SMAD4: variants seen among roughly 807,000 people sequenced by gnomAD.
The protein encoded by SMAD4 is MAD homolog 4.
A neutral mutation model predicts 63.2 loss-of-function variants in SMAD4; 7 were observed. That is an observed-to-expected ratio of 0.11 (90% CI 0.06 to 0.21). SMAD4 has a LOEUF of 0.21. SMAD4 is among the 10% of genes least tolerant of loss of function. The probability of loss-of-function intolerance (pLI) is 1.00; values close to 1 mark genes in which losing one functional copy is unlikely to be tolerated. For missense variants in SMAD4, 312 were observed against 693.8 expected, an observed-to-expected ratio of 0.45 and a Z score of 6.18; for synonymous variants, 215 against 235.4, an observed-to-expected ratio of 0.91 and a Z score of 0.79.
chr18:51,083,995 C>T lies in SMAD4; in HGVS notation c.*5528C>T, dbSNP rs910606762. On this transcript the variant is annotated 3_prime_UTR_variant, in exon 12 of 12. Transcript: ENST00000342988. ...GGGGCTGCAATAAACACTTAACGCG[C>T]GTGCGCACGCGCGCGCGCACACACA... 5.3e-5 allele frequency: 8 copies of T among 151,326 alleles called. 1 individual carries two copies. The highest frequency in any genetic ancestry group is 6.6e-4 in the South Asian group (2 of 3,036). 9.4% of individuals were successfully genotyped at this position (151,326 alleles called of 1,614,324 possible).
chr18:51,036,314 C>T (rs1020238093), intron 1 of SMAD4, among the ~76,000 whole-genome samples: 2 of 152,082 alleles, frequency 1.3e-5, no homozygotes, highest in African/African-American at 4.8e-5. Context: ...CAGGTCTTTT[C>T]AAGTCAAAAT....
At position 51,070,937 on chromosome 18, in the gene SMAD4, T is replaced by TA. The variant is rs566573391; in HGVS notation, c.1308+3751dup. On this transcript the variant is annotated intron_variant, in intron 10 of 11. Transcript: ENST00000342988. ...TTATTACCTGTTGTTGTTAATCTCTTACTATGCCTAATTTGTAAGTTAAAC... is the reference window on the plus strand; with the variant it reads ...TTATTACCTGTTGTTGTTAATCTCTTAACTATGCCTAATTTGTAAGTTAAAC... Among the ~76,000 whole-genome samples the TA allele has an allele frequency of 1.2e-4, 19 of 152,306 alleles. No individual in the cohort carries two copies. The South Asian group carries it at 3.7e-3, about 30-fold the overall frequency.
In SMAD4 at chr18:51,056,951, T is replaced by TA. The variant is rs577073630; in HGVS notation, c.668-1169dup. 1.5e-4 allele frequency among the ~76,000 whole-genome samples: 23 copies of TA among 152,300 alleles called. No homozygotes were observed. In the South Asian group the frequency reaches 4.6e-3, roughly 30 times the overall value. ...CTAAGAGTATTGCCTGTAGAATTGTTAAAAATATGAACAAAACCATAATTA... is the reference window on the plus strand; with the variant it reads ...CTAAGAGTATTGCCTGTAGAATTGTTAAAAAATATGAACAAAACCATAATTA... On this transcript the variant is annotated intron_variant, in intron 5 of 11. Transcript: ENST00000342988.
chr18:51,036,520 A>C (rs988685996), intron 1 of SMAD4, among the ~76,000 whole-genome samples: 8 of 152,246 alleles, frequency 5.3e-5, no homozygotes, highest in Non-Finnish European at 5.9e-5. Context: ...TGTGTCTTAC[A>C]TCATAAATAT....
chr18:51,031,912 A>T (rs1909063190), intron 1 of SMAD4, among the ~76,000 whole-genome samples: 2 of 152,078 alleles, frequency 1.3e-5, no homozygotes, highest in African/African-American at 4.8e-5. Context: ...CTAAGGACTT[A>T]CTCTCTCTAT....
At chr18:51,077,931 C>T (rs1910511011) in intron 11 of SMAD4, among the ~76,000 whole-genome samples, 1 of 152,184 alleles carries the variant, frequency 6.6e-6, no homozygotes, top group Non-Finnish European at 1.5e-5. Flanking sequence ...TGGACACGCA[C>T]TACCTCTTAA....
At chr18:51,048,927 T>C (rs1909626867) in intron 3 of SMAD4, 67 bp downstream of exon 3, 2 of 1,412,106 alleles carry the variant, frequency 1.4e-6, no homozygotes, top group East Asian at 4.6e-5. Flanking sequence ...GTTTCAATTT[T>C]TGTAAGTTAA....
At position 51,049,627 on chromosome 18, in the gene SMAD4, T is replaced by C. The variant is rs1909648975; in HGVS notation, c.454+303T>C. 4 of 325,106 alleles carry C rather than the reference T, an allele frequency of 1.2e-5. No individual in the cohort carries two copies. The Admixed American group carries it at 1.8e-4, about 15-fold the overall frequency. The allele number at this position is 325,106 out of a possible 1,614,324, so 20.1% of individuals were successfully genotyped here. A position where few individuals can be genotyped will look rare whatever the true frequency, so the allele number is the denominator to read the frequency against. On this transcript the variant is annotated intron_variant, in intron 4 of 11. Coordinates refer to ENST00000342988, the MANE Select transcript of SMAD4 (RefSeq NM_005359.6). Reference sequence around the variant, plus strand: ...AATATTTTTTGAGTTAAGACCTATTTTTGAAGAAAATCTCACAGAGCCAGT... The same window carrying C: ...AATATTTTTTGAGTTAAGACCTATTCTTGAAGAAAATCTCACAGAGCCAGT...
chr18:51,046,808 T>C (rs1192762476), intron 1 of SMAD4, 112 bp from the exon 2 acceptor site: 7 of 436,102 alleles, frequency 1.6e-5, no homozygotes, highest in Non-Finnish European at 2.8e-5. Context: ...AAATTTTAAT[T>C]ATGTGCATTG....
intron 5 of SMAD4, among the ~76,000 whole-genome samples, chr18:51,057,254 T>C (rs572244610): frequency 6.6e-6 from 1 of 152,192 alleles, no homozygotes; most frequent in South Asian, 2.1e-4. Flanking sequence ...ATTATAACTT[T>C]AGTGCTTTCC....
intron 11 of SMAD4, 123 bp from the exon 12 acceptor site, chr18:51,078,133 A>C: frequency 1.2e-6 from 1 of 820,668 alleles, no homozygotes; most frequent in Non-Finnish European, 2.1e-6. Context: ...GCACTTTAGC[A>C]GAGAAGTTAT....
chr18:51,076,831 G>A (rs756675575), intron 11 of SMAD4, 55 bp downstream of exon 11: 2 of 1,346,558 alleles, frequency 1.5e-6, no homozygotes, highest in South Asian at 2.8e-5. Context: ...TTTTTATCTT[G>A]ATTTACTCAG....
At position 51,081,643 on chromosome 18, in the gene SMAD4, A is replaced by G. The variant is rs779727426; in HGVS notation, c.*3176A>G. On this transcript the variant is annotated 3_prime_UTR_variant, in exon 12 of 12. Transcript: ENST00000342988. ...ACTGAACTCATATTAGCTGTGCTGC[A>G]TTTCAGACTTAAAATCCATTTTTGT... The G allele has an allele frequency of 1.7e-5, 4 of 232,848 alleles. No homozygotes were observed. The highest frequency in any genetic ancestry group is 2.5e-5 in the Non-Finnish European group (3 of 117,884). The allele number at this position is 232,848 out of a possible 1,614,324, so 14.4% of individuals were successfully genotyped here.
In SMAD4 at chr18:51,047,366, A is replaced by G. The variant is rs374916387; in HGVS notation, c.249+71A>G. ...TAAAAACTTGCTACGTTTCCTTTCA[A>G]GCTACTACAGGGTAATTTAATTTGT... On this transcript the variant is annotated intron_variant, in intron 2 of 11. Transcript: ENST00000342988. 4.1e-5 allele frequency: 56 copies of G among 1,356,258 alleles called. No individual in the cohort carries two copies. The East Asian group carries it at 6.6e-4, about 16-fold the overall frequency. The allele number at this position is 1,356,258 out of a possible 1,614,324, so 84.0% of individuals were successfully genotyped here. A position where few individuals can be genotyped will look rare whatever the true frequency, so the allele number is the denominator to read the frequency against.
intron 1 of SMAD4, among the ~76,000 whole-genome samples, chr18:51,034,127 A>G (rs1195738204): frequency 1.3e-5 from 2 of 152,108 alleles, no homozygotes; most frequent in Admixed American, 6.6e-5. Context: ...GAAAACTTGT[A>G]AATGTGTTGA....
At chr18:51,067,673 A>G (rs962126140) in intron 10 of SMAD4, among the ~76,000 whole-genome samples, 2 of 152,178 alleles carry the variant, frequency 1.3e-5, no homozygotes, top group Non-Finnish European at 2.9e-5. Context: ...TTGGCCTCCC[A>G]AAGTGCTGGG....
At chr18:51,056,723 C>T (rs761324125) in intron 5 of SMAD4, among the ~76,000 whole-genome samples, 16 of 150,868 alleles carry the variant, frequency 1.1e-4, no homozygotes, top group Admixed American at 8.6e-4. Flanking sequence ...GGCTATTTTA[C>T]GTGAGCTGAT....
intron 8 of SMAD4, among the ~76,000 whole-genome samples, chr18:51,065,200 G>C (rs950921939): frequency 1.3e-5 from 2 of 151,986 alleles, no homozygotes; most frequent in African/African-American, 4.8e-5. Context: ...AAAAAAATTA[G>C]TGTTTTAAGA....
At chr18:51,064,894 T>C (rs1910107057) in intron 8 of SMAD4, among the ~76,000 whole-genome samples, 1 of 152,222 alleles carries the variant, frequency 6.6e-6, no homozygotes, top group African/African-American at 2.4e-5. Context: ...GACTTGCTTA[T>C]GCACTTTCTC....
Sources: allele counts gnomAD v4.1 joint callset (sites outside exome capture counted in the v4.1 genomes callset), GRCh38; gene constraint gnomAD v4.1.1; transcripts MANE v1.5; gene names NCBI Gene and HGNC (gene_info 2026-07-23, HGNC 2026-07-21).